WNK2: variants seen among roughly 807,000 people sequenced by gnomAD.
The protein encoded by WNK2 is WNK lysine deficient protein kinase 2.
A neutral mutation model predicts 192.1 loss-of-function variants in WNK2; 67 were observed. That is an observed-to-expected ratio of 0.35 (90% CI 0.29 to 0.43). WNK2 has a LOEUF of 0.43. Ranked by LOEUF, WNK2 falls within the 20% of genes least tolerant of loss-of-function variation. The pLI is 1.00. For missense variants in WNK2, 2,698 were observed against 3,089.7 expected (o/e 0.87, Z 3.01); for synonymous variants, 1,439 against 1,393.9 (o/e 1.03, Z -0.72).
At chr9:93,294,960 G>A (rs190252503) in intron 23 of WNK2, among the ~76,000 whole-genome samples, 69 of 152,322 alleles carry the variant, frequency 4.5e-4, no homozygotes, top group Middle Eastern at 6.8e-3. Flanking sequence ...CTGATAGGCA[G>A]TAGCCAGCAG....
At chr9:93,277,257 A>T (rs1276893011) in intron 19 of WNK2, among the ~76,000 whole-genome samples, 2 of 152,228 alleles carry the variant, frequency 1.3e-5, no homozygotes, top group African/African-American at 2.4e-5. Flanking sequence ...TGGAACTCAT[A>T]CATTTCTGGG....
intron 28 of WNK2, among the ~76,000 whole-genome samples, chr9:93,314,820 C>T (rs985713208): frequency 6.6e-6 from 1 of 152,146 alleles, no homozygotes; most frequent in Non-Finnish European, 1.5e-5. Context: ...TGCAAAATCA[C>T]CCTTCTTTGG....
At chr9:93,226,702 A>G (rs1463187284) in intron 2 of WNK2, among the ~76,000 whole-genome samples, 1 of 152,114 alleles carries the variant, frequency 6.6e-6, no homozygotes, top group Admixed American at 6.5e-5. Context: ...CCAGGGTTTC[A>G]CATGAAGATG....
At chr9:93,315,380 A>C (rs548234624) in intron 28 of WNK2, 1 of 152,202 alleles carries the variant, frequency 6.6e-6, no homozygotes, top group Non-Finnish European at 1.5e-5. Context: ...CTCAGACCAG[A>C]TGAGTGTTTT....
intron 2 of WNK2, among the ~76,000 whole-genome samples, chr9:93,221,169 TG>T (rs1287665331): frequency 6.6e-6 from 1 of 152,200 alleles, no homozygotes; most frequent in African/African-American, 2.4e-5. Context: ...ATGCTGGGCA[TG>T]GGGGCTTCCT....
chr9:93,242,349 C>G (rs1840915617), intron 7 of WNK2, among the ~76,000 whole-genome samples: 1 of 152,242 alleles, frequency 6.6e-6, no homozygotes, highest in African/African-American at 2.4e-5. Context: ...CTGCTATGAG[C>G]AGATCTAATG....
chr9:93,195,568 G>C (rs1001851676), intron 2 of WNK2, among the ~76,000 whole-genome samples: 1 of 151,526 alleles, frequency 6.6e-6, no homozygotes. Context: ...GCGTGGTGGC[G>C]GGCGCCTATA....
chr9:93,247,739 A>T lies in WNK2; in HGVS notation c.1739A>T (p.Gln580Leu). 6.4e-7 allele frequency: 1 copy of T among 1,555,342 alleles called. No individual in the cohort carries two copies. The highest frequency in any genetic ancestry group is 8.7e-7 in the Non-Finnish European group (1 of 1,150,682). ...CAGGTCCAGGTGACCTACCATGCAC[A>T]GGCTGGGCAGCCCGGGCCACCAGAG... ...PLQVQVTYHA[Q>L]AGQPGPPEPE... The change falls in exon 8 of 30, where the codon CAG becomes CTG. Residue 580 changes from glutamine (Q) to leucine (L), a missense_variant. This residue lies in a region of WNK2 where 893 missense variants were observed against 909.0 expected (regional missense o/e 0.98). Coordinates refer to ENST00000427277, the MANE Select transcript of WNK2 (RefSeq NM_006648.4). This position sits in a 1 kb window ranked among gnomAD's most constrained non-coding sequence, Gnocchi z 5.2.
rs551926953 is a variant in WNK2, at chr9:93,270,585, G to A, written c.4033+1839G>A. 2.3e-3 allele frequency among the ~76,000 whole-genome samples: 346 copies of A among 152,326 alleles called. 2 individuals carry two copies. Among genetic ancestry groups the A allele is most frequent in the Non-Finnish European group, 2.0e-3 (138 of 68,026 alleles). On this transcript the variant is annotated intron_variant, in intron 19 of 29. Coordinates refer to ENST00000427277, the MANE Select transcript of WNK2 (RefSeq NM_006648.4). The stretch of plus-strand genomic sequence containing the variant: ...TCCTCTGATATTTCCTGGTCTGACT[G>A]AAGTACAGCCCAAGGAGCAGAAGCA...
chr9:93,185,838 G>A (rs1365253461), intron 2 of WNK2, among the ~76,000 whole-genome samples: 1 of 152,244 alleles, frequency 6.6e-6, no homozygotes, highest in Non-Finnish European at 1.5e-5. Flanking sequence ...GTCAGCTGGT[G>A]GCGAGGGCAG....
intron 23 of WNK2, among the ~76,000 whole-genome samples, chr9:93,296,964 T>A: frequency 1.3e-5 from 1 of 79,096 alleles, no homozygotes. Context: ...CCCCTCTGCA[T>A]CCCCTCGGCC....
chr9:93,292,779 G>A lies in WNK2; in HGVS notation c.5314G>A (p.Asp1772Asn), dbSNP rs762615300. Reference protein sequence around the residue: ...PHSLRYSAPPDVYLDEAPSSP... With the variant: ...PHSLRYSAPPNVYLDEAPSSP... ...CAGCCTGAGATACTCTGCCCCACCC[G>A]ACGTCTACCTGGACGAGGCCCCCTC... The change falls in exon 23 of 30, where the codon GAC (aspartate) becomes AAC (asparagine). Residue 1772 changes from aspartate (D) to asparagine (N), a missense_variant. Asp to Asn is a conservative substitution (Grantham distance 23). Around this residue, in one of 7 missense-constraint regions of WNK2, gnomAD observed 1,098 missense variants for 1,101.0 expected, o/e 1.00. Coordinates refer to ENST00000427277, the MANE Select transcript of WNK2 (RefSeq NM_006648.4). 6.8e-5 allele frequency: 106 copies of A among 1,557,902 alleles called. 1 individual carries two copies. The highest frequency in any genetic ancestry group is 6.2e-5 in the Non-Finnish European group (71 of 1,152,418).
intron 26 of WNK2, among the ~76,000 whole-genome samples, chr9:93,304,389 T>C (rs1852128203): frequency 6.6e-6 from 1 of 152,220 alleles, no homozygotes; most frequent in Non-Finnish European, 1.5e-5. Flanking sequence ...ACTTTTACAT[T>C]CTGGGAAGAA....
chr9:93,197,278 C>T lies in WNK2; in HGVS notation c.681+11668C>T, dbSNP rs572949748. On this transcript the variant is annotated intron_variant, in intron 2 of 29. Coordinates refer to ENST00000427277, the MANE Select transcript of WNK2 (RefSeq NM_006648.4). ...GATGCTCCCACATCACCTCCACCCCCTGCCGTGCTCCAGGCACTCCAGGAT... is the reference window on the plus strand; with the variant it reads ...GATGCTCCCACATCACCTCCACCCCTTGCCGTGCTCCAGGCACTCCAGGAT... 2.6e-5 allele frequency among the ~76,000 whole-genome samples: 4 copies of T among 152,326 alleles called. No homozygotes were observed. The South Asian group carries it at 6.2e-4, about 24-fold the overall frequency.
At position 93,247,049 on chromosome 9, in the gene WNK2, G is replaced by C. The variant is rs1430281960; in HGVS notation, c.1543-494G>C. Among the ~76,000 whole-genome samples, 1 of 152,216 alleles carries C rather than the reference G, an allele frequency of 6.6e-6. No individual in the cohort carries two copies. The highest frequency in any genetic ancestry group is 1.5e-5 in the Non-Finnish European group (1 of 68,036). ...GTTTTAAAATTTGCCAGGCATCAGT[G>C]CATACCTTACTGGTCCCTAATTACA... On this transcript the variant is annotated intron_variant, in intron 7 of 29. Coordinates refer to ENST00000427277, the MANE Select transcript of WNK2 (RefSeq NM_006648.4). The surrounding 1 kb of genome is among the most constrained non-coding windows in gnomAD (Gnocchi z 5.2).
At position 93,308,534 on chromosome 9, in the gene WNK2, CA is replaced by C; in HGVS notation, c.6468del (p.Asp2157ThrfsTer17). On this transcript the variant is annotated frameshift_variant, in exon 28 of 30. Transcript: ENST00000427277. LOFTEE classifies it high-confidence loss of function. ...LNQLKQTQKL[Q>X]DMEAQAGWAA... is the part of the protein sequence containing the mutation. ...CCAGCTGAAGCAGACCCAGAAGCTG[CA>C]AGACATGGAGGCCCAGGCAGGCTGG... The C allele has an allele frequency of 6.2e-7, 1 of 1,604,056 alleles. No individual in the cohort carries two copies. The highest frequency in any genetic ancestry group is 8.5e-7 in the Non-Finnish European group (1 of 1,176,086).
intron 7 of WNK2, among the ~76,000 whole-genome samples, chr9:93,244,820 C>G (rs765532825): frequency 1.3e-5 from 2 of 152,208 alleles, no homozygotes; most frequent in Non-Finnish European, 2.9e-5. Flanking sequence ...GGTTGGAGCC[C>G]GTTCTCTGAG....
intron 28 of WNK2, among the ~76,000 whole-genome samples, chr9:93,311,764 C>T (rs1270246778): frequency 6.6e-6 from 1 of 152,068 alleles, no homozygotes; most frequent in Non-Finnish European, 1.5e-5. Flanking sequence ...GGATTACAGG[C>T]GTCTGCCACC....
chr9:93,256,178 G>C, intron 9 of WNK2, 121 bp from the exon 10 acceptor site: 1 of 1,222,322 alleles, frequency 8.2e-7, no homozygotes, highest in South Asian at 2.0e-5. Context: ...TCATGTTCCT[G>C]GGAAGAGGGA....
Sources: gnomAD v4.1 joint callset for allele counts (sites outside exome capture counted in the v4.1 genomes callset) on GRCh38, gnomAD v4.1.1 for gene constraint, gnomAD v4.1.1 regional missense constraint, Gnocchi (gnomAD v3.1) non-coding constraint, MANE v1.5 for transcripts, NCBI Gene and HGNC (gene_info 2026-07-23, HGNC 2026-07-21) for gene names.